TCF12: variants seen among roughly 807,000 people sequenced by gnomAD.
TCF12 encodes the protein DNA-binding protein HTF4.
A neutral mutation model predicts 86.0 loss-of-function variants in TCF12; 45 were observed. That is an observed-to-expected ratio of 0.52 (90% CI 0.41 to 0.67). The LOEUF (loss-of-function observed/expected upper bound fraction) is 0.67, where lower values mean the gene tolerates loss of function less well. TCF12 is among the 30% of genes least tolerant of loss of function. TCF12 has a pLI of 0.00. For synonymous variants in TCF12, 330 were observed against 299.6 expected (o/e 1.10, Z -1.05); for missense variants, 881 against 859.9 (o/e 1.02, Z -0.31).
chr15:57,013,788 A>G (rs1336022935), intron 3 of TCF12, among the ~76,000 whole-genome samples: 3 of 152,180 alleles, frequency 2.0e-5, no homozygotes, highest in Admixed American at 6.5e-5. Context: ...TTAACACCTA[A>G]ATTTCTAAAT....
At chr15:56,919,686 G>A (rs1467488921) in intron 1 of TCF12, 3 of 401,174 alleles carry the variant, frequency 7.5e-6, no homozygotes, top group African/African-American at 2.1e-5. Context: ...TCGGGCCGCG[G>A]CGAGGAACGC....
intron 3 of TCF12, among the ~76,000 whole-genome samples, chr15:57,035,431 T>C (rs145253685): frequency 2.0e-5 from 3 of 152,132 alleles, no homozygotes; most frequent in Non-Finnish European, 4.4e-5. Flanking sequence ...GCCTGGCTAA[T>C]TTTTTAAAAT....
intron 3 of TCF12, among the ~76,000 whole-genome samples, chr15:57,007,792 C>CTTTCTT (rs1567241669): frequency 0.022 from 1,179 of 52,588 alleles, 31 homozygotes; most frequent in Middle Eastern, 0.029. Flanking sequence ...CTTTCTTTCT[C>CTTTCTT]TCTTTCTTTC....
intron 5 of TCF12, among the ~76,000 whole-genome samples, chr15:57,131,585 A>G (rs924813554): frequency 8.5e-5 from 13 of 152,234 alleles, no homozygotes; most frequent in African/African-American, 3.1e-4. Context: ...TCAATTTTAA[A>G]TGACCACTTA....
At chr15:56,986,278 G>A (rs1278660878) in intron 3 of TCF12, among the ~76,000 whole-genome samples, 1 of 152,076 alleles carries the variant, frequency 6.6e-6, no homozygotes, top group African/African-American at 2.4e-5. Flanking sequence ...TTTTTGGTGT[G>A]TATGTTATCA....
intron 5 of TCF12, among the ~76,000 whole-genome samples, chr15:57,136,438 G>A (rs190422679): frequency 6.6e-6 from 1 of 152,176 alleles, no homozygotes; most frequent in East Asian, 1.9e-4. Context: ...TGGATTAAAT[G>A]TTTGAACACA....
intron 3 of TCF12, among the ~76,000 whole-genome samples, chr15:57,011,949 A>G (rs1044237471): frequency 5.3e-5 from 8 of 152,358 alleles, no homozygotes; most frequent in African/African-American, 1.9e-4. Flanking sequence ...TAATTAATTC[A>G]TATTCTAACC....
At chr15:57,047,477 A>G (rs1011032818) in intron 3 of TCF12, among the ~76,000 whole-genome samples, 4 of 152,222 alleles carry the variant, frequency 2.6e-5, no homozygotes, top group Non-Finnish European at 5.9e-5. Flanking sequence ...TGAGTGGTTT[A>G]ATAAGGATTC....
intron 3 of TCF12, among the ~76,000 whole-genome samples, chr15:57,011,330 G>C (rs769518140): frequency 6.6e-5 from 10 of 152,006 alleles, no homozygotes; most frequent in Non-Finnish European, 1.0e-4. Context: ...TTGTTTATAA[G>C]TCAGGGATCC....
intron 4 of TCF12, among the ~76,000 whole-genome samples, chr15:57,075,838 T>C (rs201799746): frequency 3.4e-3 from 175 of 51,870 alleles, no homozygotes; most frequent in African/African-American, 6.5e-3. Context: ...CTCTCTCTTT[T>C]CTTTCTTTCT....
At chr15:57,035,041 CTAA>C (rs1228247428) in intron 3 of TCF12, among the ~76,000 whole-genome samples, 8 of 152,212 alleles carry the variant, frequency 5.3e-5, no homozygotes, top group Admixed American at 3.9e-4. Flanking sequence ...ATATTAGAAA[CTAA>C]TGTTAATAAT....
chr15:57,078,333 T>TA (rs1681453469), intron 4 of TCF12, among the ~76,000 whole-genome samples: 1 of 152,198 alleles, frequency 6.6e-6, no homozygotes, highest in Admixed American at 6.5e-5. Context: ...TACTGTTTAT[T>TA]ATCATCCTGT....
At chr15:57,052,679 T>C (rs16977222) in intron 3 of TCF12, among the ~76,000 whole-genome samples, 37,317 of 151,370 alleles carry the variant, frequency 0.25, 5,464 homozygotes, top group East Asian at 0.4. Flanking sequence ...CTATATCTGC[T>C]ACTAGAAAAC....
intron 3 of TCF12, among the ~76,000 whole-genome samples, chr15:57,007,961 G>GTC (rs374353255): frequency 3.6e-4 from 46 of 126,028 alleles, no homozygotes; most frequent in East Asian, 1.7e-3. Flanking sequence ...CTTTCTCTCT[G>GTC]TCTCTCTCTC....
chr15:57,050,962 T>G (rs2067571843), intron 3 of TCF12, among the ~76,000 whole-genome samples: 1 of 152,244 alleles, frequency 6.6e-6, no homozygotes, highest in South Asian at 2.1e-4. Flanking sequence ...TAAAATCCTT[T>G]TCTTATTCCA....
At chr15:57,060,721 T>C (rs1399828564) in intron 3 of TCF12, among the ~76,000 whole-genome samples, 2 of 152,222 alleles carry the variant, frequency 1.3e-5, no homozygotes, top group Non-Finnish European at 2.9e-5. Flanking sequence ...ATTGCAACTG[T>C]GGTGTATTTT....
intron 4 of TCF12, among the ~76,000 whole-genome samples, chr15:57,075,908 G>T: frequency 6.8e-6 from 1 of 146,400 alleles, no homozygotes; most frequent in African/African-American, 2.6e-5. Flanking sequence ...CTGTTGCCCA[G>T]GCTAGAGTAC....
chr15:57,243,017 G>A (rs12440878), intron 12 of TCF12, among the ~76,000 whole-genome samples: 6,117 of 152,220 alleles, frequency 0.04, 370 homozygotes, highest in Admixed American at 0.17. Flanking sequence ...TGAGAGATAA[G>A]GGGTAACTAT....
intron 16 of TCF12, among the ~76,000 whole-genome samples, chr15:57,257,806 G>A (rs1268233334): frequency 1.3e-5 from 2 of 151,914 alleles, no homozygotes; most frequent in Non-Finnish European, 2.9e-5. Flanking sequence ...ATTTGGCTGA[G>A]CATTTCCTTG....
Sources: gnomAD v4.1 joint callset for allele counts (sites outside exome capture counted in the v4.1 genomes callset) on GRCh38, gnomAD v4.1.1 for gene constraint, MANE v1.5 for transcripts, NCBI Gene and HGNC (gene_info 2026-07-23, HGNC 2026-07-21) for gene names.